KCNH8: variants seen among roughly 807,000 people sequenced by gnomAD.
KCNH8 encodes the protein voltage-gated delayed rectifier potassium channel KCNH8.
Under a neutral mutation model 103.6 loss-of-function variants are expected in KCNH8, and 70 were observed. That is an observed-to-expected ratio of 0.68 (90% confidence interval 0.56 to 0.82). The LOEUF (loss-of-function observed/expected upper bound fraction) is 0.82. Ranked by LOEUF, KCNH8 falls within the 40% of genes least tolerant of loss-of-function variation. The pLI is 0.00. For missense variants in KCNH8, 1,217 were observed against 1,329.9 expected, an observed-to-expected ratio of 0.92 and a Z score of 1.32; for synonymous variants, 498 against 489.4, an observed-to-expected ratio of 1.02 and a Z score of -0.23.
chr3:19,200,267 G>A (rs1402106237), intron 1 of KCNH8, among the ~76,000 whole-genome samples: 1 of 151,938 alleles, frequency 6.6e-6, no homozygotes, highest in Non-Finnish European at 1.5e-5. Context: ...GCTAAATGTG[G>A]CTGAAAATGT....
intron 1 of KCNH8, among the ~76,000 whole-genome samples, chr3:19,189,840 C>G (rs9859896): frequency 6.6e-6 from 1 of 151,924 alleles, no homozygotes; most frequent in Admixed American, 6.6e-5. Context: ...ATATCAGTTG[C>G]TGAGATTTTA....
intron 7 of KCNH8, among the ~76,000 whole-genome samples, chr3:19,431,655 T>C (rs1167801939): frequency 6.6e-6 from 1 of 152,168 alleles, no homozygotes; most frequent in Non-Finnish European, 1.5e-5. Flanking sequence ...TGGCAGGCTA[T>C]TTATTGCTGC....
chr3:19,515,719 T>G (rs1319019269), intron 14 of KCNH8, among the ~76,000 whole-genome samples: 1 of 152,030 alleles, frequency 6.6e-6, no homozygotes. Flanking sequence ...TGGCCATGTT[T>G]TACTATTATA....
chr3:19,283,716 T>C (rs1046849568), intron 3 of KCNH8, among the ~76,000 whole-genome samples: 1 of 151,666 alleles, frequency 6.6e-6, no homozygotes, highest in African/African-American at 2.4e-5. Flanking sequence ...CAGAGTTTGA[T>C]ACCAACTCGA....
chr3:19,360,734 A>G (rs1005094497), intron 5 of KCNH8, among the ~76,000 whole-genome samples: 2 of 152,036 alleles, frequency 1.3e-5, no homozygotes, highest in Non-Finnish European at 2.9e-5. Context: ...AGACAACATA[A>G]AAGAAATCAT....
At chr3:19,303,083 A>G (rs1351571375) in intron 3 of KCNH8, among the ~76,000 whole-genome samples, 1 of 152,150 alleles carries the variant, frequency 6.6e-6, no homozygotes, top group African/African-American at 2.4e-5. Context: ...GATATATCAA[A>G]TTTCAAGATA....
intron 7 of KCNH8, among the ~76,000 whole-genome samples, chr3:19,428,984 CT>C (rs2067071258): frequency 6.6e-6 from 1 of 152,074 alleles, no homozygotes; most frequent in Admixed American, 6.6e-5. Flanking sequence ...TTAGGTCTCT[CT>C]CAGACAACGT....
chr3:19,148,836 G>A (rs1416335590), intron 1 of KCNH8, 41 bp downstream of exon 1: 23 of 1,560,778 alleles, frequency 1.5e-5, no homozygotes, highest in Non-Finnish European at 2.0e-5. Context: ...CATTTTCTGA[G>A]ACTGATTTTT....
At chr3:19,504,395 C>T (rs755727115) in intron 11 of KCNH8, among the ~76,000 whole-genome samples, 4 of 151,902 alleles carry the variant, frequency 2.6e-5, no homozygotes, top group Non-Finnish European at 5.9e-5. Flanking sequence ...CAACAAACAG[C>T]CTACAGAGTG....
intron 11 of KCNH8, among the ~76,000 whole-genome samples, chr3:19,475,615 A>G (rs919332222): frequency 2.0e-5 from 3 of 152,194 alleles, no homozygotes; most frequent in Non-Finnish European, 4.4e-5. Context: ...AACTCACTTT[A>G]AAAATTAATA....
At chr3:19,190,297 A>G (rs981079501) in intron 1 of KCNH8, among the ~76,000 whole-genome samples, 1 of 151,956 alleles carries the variant, frequency 6.6e-6, no homozygotes, top group Non-Finnish European at 1.5e-5. Context: ...TCTTGATAAC[A>G]AATCAGCTTC....
At chr3:19,169,603 C>G (rs930789568) in intron 1 of KCNH8, among the ~76,000 whole-genome samples, 8 of 152,304 alleles carry the variant, frequency 5.3e-5, no homozygotes, top group African/African-American at 1.9e-4. Flanking sequence ...TAAGAGTATG[C>G]ATAACTGGTT....
At chr3:19,401,006 A>T (rs1364570610) in intron 7 of KCNH8, among the ~76,000 whole-genome samples, 1 of 152,006 alleles carries the variant, frequency 6.6e-6, no homozygotes, top group African/African-American at 2.4e-5. Flanking sequence ...AAGAGGAAAA[A>T]ATCTAAAATG....
intron 11 of KCNH8, among the ~76,000 whole-genome samples, chr3:19,488,827 C>G (rs962339556): frequency 6.6e-6 from 1 of 152,064 alleles, no homozygotes; most frequent in Non-Finnish European, 1.5e-5. Context: ...CCTGGAGCAC[C>G]CTTTGCCTTT....
chr3:19,303,808 A>T (rs549498194), intron 3 of KCNH8, among the ~76,000 whole-genome samples: 5 of 152,142 alleles, frequency 3.3e-5, no homozygotes, highest in Non-Finnish European at 7.4e-5. Context: ...CTGAACAATC[A>T]TTGTAGGCAA....
At chr3:19,222,543 G>C (rs1259296699) in intron 1 of KCNH8, among the ~76,000 whole-genome samples, 1 of 152,146 alleles carries the variant, frequency 6.6e-6, no homozygotes, top group Non-Finnish European at 1.5e-5. Flanking sequence ...GGCATTTCCA[G>C]TCATCAATCT....
Position 19,501,275 on chromosome 3 carries a change from G to C in KCNH8, c.2041-9088G>C, listed in dbSNP as rs1314134964. Among the ~76,000 whole-genome samples the C allele has an allele frequency of 7.2e-5, 11 of 152,266 alleles. No individual in the cohort carries two copies. The East Asian group carries it at 1.4e-3, about 19-fold the overall frequency. ...ACCAATAACAGGAGCTGAAATTGTG[G>C]CAATAATCAATAGCTTACCAACGAA... On this transcript the variant is annotated intron_variant, in intron 11 of 15. Transcript: ENST00000328405.
At chr3:19,303,792 C>T (rs2065094603) in intron 3 of KCNH8, among the ~76,000 whole-genome samples, 1 of 152,108 alleles carries the variant, frequency 6.6e-6, no homozygotes, top group Non-Finnish European at 1.5e-5. Context: ...TTTGTAAACA[C>T]TCACACTGAA....
At chr3:19,503,712 G>A (rs1575152083) in intron 11 of KCNH8, among the ~76,000 whole-genome samples, 1 of 150,866 alleles carries the variant, frequency 6.6e-6, no homozygotes, top group African/African-American at 2.4e-5. Context: ...CTCACTCATA[G>A]GTGGGAATTG....
Sources: allele counts gnomAD v4.1 joint callset (sites outside exome capture counted in the v4.1 genomes callset), GRCh38; gene constraint gnomAD v4.1.1; transcripts MANE v1.5; gene names NCBI Gene and HGNC (gene_info 2026-07-23, HGNC 2026-07-21).